Variants in TMEM132D observed in about 807,000 individuals in gnomAD.
TMEM132D encodes the protein mature OL transmembrane protein.
In TMEM132D, 21 loss-of-function variants were observed where a neutral mutation model predicts 62.3. The observed-to-expected ratio is 0.34, with a 90% CI of 0.24 to 0.49. TMEM132D has a LOEUF of 0.49. TMEM132D is among the 20% of genes least tolerant of loss of function. The pLI, the probability that TMEM132D is intolerant of heterozygous loss-of-function variation, is 0.99. For synonymous variants in TMEM132D, 621 were observed against 575.6 expected, an observed-to-expected ratio of 1.08 and a Z score of -1.13; for missense variants, 1,346 against 1,402.8, an observed-to-expected ratio of 0.96 and a Z score of 0.65.
intron 2 of TMEM132D, among the ~76,000 whole-genome samples, chr12:129,665,038 C>T (rs1175130005): frequency 2.0e-5 from 3 of 152,118 alleles, no homozygotes; most frequent in Non-Finnish European, 4.4e-5. Flanking sequence ...TTAACTACTA[C>T]CACATTATTA....
At chr12:129,378,386 C>G (rs1464754876) in intron 3 of TMEM132D, among the ~76,000 whole-genome samples, 1 of 152,172 alleles carries the variant, frequency 6.6e-6, no homozygotes, top group Non-Finnish European at 1.5e-5. Context: ...CCACCCAGCA[C>G]TCTTGAAACT....
intron 3 of TMEM132D, among the ~76,000 whole-genome samples, chr12:129,400,252 A>C (rs1871580197): frequency 6.6e-6 from 1 of 152,164 alleles, no homozygotes; most frequent in Non-Finnish European, 1.5e-5. Context: ...AATAGTATCC[A>C]GTCGCAGACA....
intron 4 of TMEM132D, among the ~76,000 whole-genome samples, chr12:129,213,983 G>A (rs568349961): frequency 2.5e-4 from 38 of 152,280 alleles, no homozygotes; most frequent in African/African-American, 5.3e-4. Context: ...GAATAGTTTC[G>A]TTGAGGGCTG....
chr12:129,726,951 T>C (rs1044718550), intron 1 of TMEM132D, among the ~76,000 whole-genome samples: 1 of 152,168 alleles, frequency 6.6e-6, no homozygotes, highest in African/African-American at 2.4e-5. Context: ...TGGACAGTTA[T>C]AAAGAAATAC....
At chr12:129,862,168 T>C (rs1451782224) in intron 1 of TMEM132D, among the ~76,000 whole-genome samples, 1 of 152,200 alleles carries the variant, frequency 6.6e-6, no homozygotes, top group Non-Finnish European at 1.5e-5. Context: ...TCCCCGGTGG[T>C]GATAAATCAG....
At chr12:129,429,830 G>C (rs1042739379) in intron 3 of TMEM132D, among the ~76,000 whole-genome samples, 2 of 150,112 alleles carry the variant, frequency 1.3e-5, no homozygotes, top group African/African-American at 4.9e-5. Flanking sequence ...AGAACACGCG[G>C]TGTTTGGTTT....
intron 3 of TMEM132D, among the ~76,000 whole-genome samples, chr12:129,465,179 C>A (rs75359194): frequency 6.6e-6 from 1 of 152,140 alleles, no homozygotes; most frequent in Non-Finnish European, 1.5e-5. Flanking sequence ...CTTGAAGAGG[C>A]CCTTCACGTC....
At chr12:129,358,619 A>G (rs1870150945) in intron 3 of TMEM132D, among the ~76,000 whole-genome samples, 1 of 152,232 alleles carries the variant, frequency 6.6e-6, no homozygotes, top group Admixed American at 6.5e-5. Context: ...TTAAATAAAC[A>G]ATCACATCAA....
At chr12:129,294,192 A>G (rs1881515582) in intron 4 of TMEM132D, among the ~76,000 whole-genome samples, 2 of 152,256 alleles carry the variant, frequency 1.3e-5, no homozygotes, top group African/African-American at 4.8e-5. Flanking sequence ...CATGATTCAG[A>G]ATACCCTTCA....
At chr12:129,494,081 C>G (rs575968479) in intron 3 of TMEM132D, among the ~76,000 whole-genome samples, 54 of 152,176 alleles carry the variant, frequency 3.5e-4, no homozygotes, top group Non-Finnish European at 1.2e-4. Context: ...CACGAACACA[C>G]GCTCATCCAA....
intron 3 of TMEM132D, among the ~76,000 whole-genome samples, chr12:129,390,024 C>T (rs1007742925): frequency 3.3e-5 from 5 of 152,114 alleles, no homozygotes; most frequent in African/African-American, 9.7e-5. Flanking sequence ...CGCACACTGG[C>T]GTTTTGTTGT....
At chr12:129,358,874 A>T (rs1870157719) in intron 3 of TMEM132D, among the ~76,000 whole-genome samples, 1 of 152,142 alleles carries the variant, frequency 6.6e-6, no homozygotes, top group Admixed American at 6.5e-5. Context: ...AAAGACAAAA[A>T]AACCCAGGTG....
intron 4 of TMEM132D, among the ~76,000 whole-genome samples, chr12:129,217,608 A>T (rs569341202): frequency 9.2e-5 from 14 of 152,322 alleles, no homozygotes; most frequent in Admixed American, 3.9e-4. Context: ...ACCTCTAAGC[A>T]GTGTGTTCCC....
At chr12:129,703,063 G>A (rs919125797) in intron 1 of TMEM132D, among the ~76,000 whole-genome samples, 6 of 152,178 alleles carry the variant, frequency 3.9e-5, no homozygotes, top group African/African-American at 1.4e-4. Flanking sequence ...AACACATCTT[G>A]GCACCACTCA....
chr12:129,583,181 T>TG (rs1877927160), intron 2 of TMEM132D, among the ~76,000 whole-genome samples: 1 of 152,246 alleles, frequency 6.6e-6, no homozygotes, highest in Non-Finnish European at 1.5e-5. Flanking sequence ...TGTGTCCATA[T>TG]GAAACATTTA....
chr12:129,590,937 A>T (rs1449185731), intron 2 of TMEM132D, among the ~76,000 whole-genome samples: 2 of 152,206 alleles, frequency 1.3e-5, no homozygotes, highest in Non-Finnish European at 2.9e-5. Context: ...TCTATGCAAA[A>T]GAGAAGCTAA....
intron 1 of TMEM132D, among the ~76,000 whole-genome samples, chr12:129,880,612 T>C (rs1874559185): frequency 6.6e-6 from 1 of 152,188 alleles, no homozygotes; most frequent in African/African-American, 2.4e-5. Flanking sequence ...GAATATGCAG[T>C]TGGCAGGTGA....
intron 2 of TMEM132D, among the ~76,000 whole-genome samples, chr12:129,619,770 G>A (rs933528398): frequency 3.3e-5 from 5 of 152,116 alleles, no homozygotes; most frequent in South Asian, 2.1e-4. Context: ...AATGAAACTC[G>A]TTAAACAACA....
chr12:129,464,620 C>A (rs1873819651), intron 3 of TMEM132D, among the ~76,000 whole-genome samples: 1 of 152,180 alleles, frequency 6.6e-6, no homozygotes. Context: ...ACATTTAAAT[C>A]TTTAATCCAT....
Sources: allele counts gnomAD v4.1 joint callset (sites outside exome capture counted in the v4.1 genomes callset), GRCh38; gene constraint gnomAD v4.1.1; transcripts MANE v1.5; gene names NCBI Gene and HGNC (gene_info 2026-07-23, HGNC 2026-07-21).